The following PRKACA variants were observed in gnomAD, a reference collection of about 807,000 sequenced individuals.
PRKACA encodes protein kinase cAMP-activated catalytic subunit alpha.
PRKACA carries 9 observed loss-of-function variants against 45.8 expected under a neutral mutation model. The observed-to-expected ratio is 0.20, with a 90% confidence interval of 0.12 to 0.34. PRKACA has a LOEUF of 0.34. Among genes scored for constraint, PRKACA ranks in the 10% least tolerant of loss-of-function variants. The pLI is 1.00. For synonymous variants in PRKACA, 160 were observed against 178.6 expected (o/e 0.90, Z 0.83); for missense variants, 238 against 458.6 (o/e 0.52, Z 4.39).
intron 1 of PRKACA, among the ~76,000 whole-genome samples, chr19:14,116,362 T>A (rs1412310048): frequency 2.0e-5 from 3 of 152,120 alleles, no homozygotes; most frequent in Non-Finnish European, 2.9e-5. Flanking sequence ...GAAACAGGTC[T>A]CTCTCTGGCT....
At position 14,105,286 on chromosome 19, in the gene PRKACA, C is replaced by T. The variant is rs972211901; in HGVS notation, c.237+1474G>A. Among the ~76,000 whole-genome samples, 15 of 151,990 alleles carry T rather than the reference C, an allele frequency of 9.9e-5. No homozygotes were observed. The South Asian group carries it at 2.5e-3, about 25-fold the overall frequency. On this transcript the variant is annotated intron_variant, in intron 3 of 9. Coordinates refer to ENST00000308677, the MANE Select transcript of PRKACA (RefSeq NM_002730.4). ...CAGCACTTTGGAAGGCTGAGGCGGG[C>T]GGATTACCTGAGGTCAGGAGTTCGA... is the stretch of plus-strand genomic sequence containing the variant.
chr19:14,094,352 C>T (rs1389978983), intron 8 of PRKACA, among the ~76,000 whole-genome samples: 5 of 152,026 alleles, frequency 3.3e-5, no homozygotes, highest in South Asian at 2.1e-4. Flanking sequence ...AGACACCTGG[C>T]TAATTTTTGT....
chr19:14,113,721 C>G (rs1197565155), intron 1 of PRKACA, among the ~76,000 whole-genome samples: 1 of 152,140 alleles, frequency 6.6e-6, no homozygotes, highest in Non-Finnish European at 1.5e-5. Flanking sequence ...CTGGCTGATT[C>G]CTCCAGTGGA....
intron 4 of PRKACA, chr19:14,101,115 G>A (rs941410261): frequency 3.6e-6 from 2 of 556,588 alleles, no homozygotes; most frequent in African/African-American, 3.8e-5. Context: ...TCAGGACCTG[G>A]TTAGCCTGCC....
At chr19:14,116,399 A>C (rs1967106388) in intron 1 of PRKACA, among the ~76,000 whole-genome samples, 1 of 152,210 alleles carries the variant, frequency 6.6e-6, no homozygotes, top group Admixed American at 6.5e-5. Context: ...CAGAATCACT[A>C]GACGTCAAAG....
intron 5 of PRKACA, among the ~76,000 whole-genome samples, chr19:14,098,985 C>T (rs1977356788): frequency 1.3e-5 from 2 of 152,036 alleles, no homozygotes; most frequent in Non-Finnish European, 1.5e-5. Context: ...CTATAGTTAT[C>T]TATCTAAAAT....
chr19:14,114,184 A>G lies in PRKACA; in HGVS notation c.46+3318T>C, dbSNP rs1227078621. ...TCAGTCCTGTTCTCAGGGCACCGGC[A>G]CTACGGTGGCTGGGAAGGCTCATGA... On this transcript the variant is annotated intron_variant, in intron 1 of 9. Coordinates refer to ENST00000308677, the MANE Select transcript of PRKACA (RefSeq NM_002730.4). 13 of 1,608,090 alleles carry G rather than the reference A, an allele frequency of 8.1e-6. No individual in the cohort carries two copies. In the Middle Eastern group the frequency reaches 6.6e-4, roughly 81 times the overall value.
chr19:14,102,626 C>G (rs1977477291), intron 4 of PRKACA, among the ~76,000 whole-genome samples, 190 bp downstream of exon 4: 1 of 152,172 alleles, frequency 6.6e-6, no homozygotes, highest in South Asian at 2.1e-4. Context: ...ACTGGCTGGA[C>G]CAGGAACTGA....
intron 5 of PRKACA, among the ~76,000 whole-genome samples, chr19:14,099,486 G>A (rs754882835): frequency 4.2e-4 from 64 of 151,414 alleles, no homozygotes; most frequent in Non-Finnish European, 6.5e-4. Flanking sequence ...GCATCCTAGG[G>A]ATGAAGGTGG....
Position 14,107,426 on chromosome 19 carries a change from GGA to G in PRKACA, c.47-19_47-18del, listed in dbSNP as rs1977646198. ...ATTCTTTCACTGAAAGGGAGAGAGG[GGA>G]GAGTTATACAGAGACGCCCGTCTCA... On this transcript the variant is annotated intron_variant, in intron 1 of 9. Coordinates refer to ENST00000308677, the MANE Select transcript of PRKACA (RefSeq NM_002730.4). The G allele has an allele frequency of 1.2e-6, 2 of 1,612,130 alleles. No homozygotes were observed. The highest frequency in any genetic ancestry group is 1.7e-6 in the Non-Finnish European group (2 of 1,178,306).
chr19:14,111,760 A>G (rs1257651461), intron 1 of PRKACA, among the ~76,000 whole-genome samples: 1 of 152,174 alleles, frequency 6.6e-6, no homozygotes, highest in African/African-American at 2.4e-5. Flanking sequence ...AACCTTTGTG[A>G]CAGAAAACAT....
rs1021329226 is a variant in PRKACA, at chr19:14,093,676, G to A, written c.882C>T (p.Asn294=). 1.1e-5 allele frequency: 18 copies of A among 1,614,158 alleles called. No homozygotes were observed. The highest frequency in any genetic ancestry group is 1.4e-5 in the Non-Finnish European group (16 of 1,180,040). ...AGTCAGTTGTGGCAAACCACTTGTGGTTCTTGATATCGTTGACCCCATTCT... is the reference window on the plus strand; with the variant it reads ...AGTCAGTTGTGGCAAACCACTTGTGATTCTTGATATCGTTGACCCCATTCT... ...NLKNGVNDIK[N]HKWFATTDWI... is the part of the protein sequence containing the mutation. The change falls in exon 9 of 10, where the codon AAC becomes AAT. Residue 294 remains asparagine (N), a synonymous_variant. Coordinates refer to ENST00000308677, the MANE Select transcript of PRKACA (RefSeq NM_002730.4).
intron 5 of PRKACA, chr19:14,098,212 A>G: frequency 4.0e-6 from 1 of 248,088 alleles, no homozygotes. Flanking sequence ...ACAAAAGAAC[A>G]TGAATGATTC....
intron 1 of PRKACA, among the ~76,000 whole-genome samples, chr19:14,116,705 C>T (rs1442505631): frequency 1.3e-5 from 2 of 152,006 alleles, no homozygotes. Flanking sequence ...GCAATGAATC[C>T]CAACAAGACC....
At chr19:14,099,590 T>A (rs1380621735) in intron 5 of PRKACA, among the ~76,000 whole-genome samples, 1 of 136,144 alleles carries the variant, frequency 7.3e-6, no homozygotes, top group East Asian at 2.1e-4. Context: ...CACACCTGAC[T>A]TTTTTTTTTT....
chr19:14,112,819 G>A (rs1599350743), intron 1 of PRKACA, among the ~76,000 whole-genome samples: 1 of 152,306 alleles, frequency 6.6e-6, no homozygotes, highest in Non-Finnish European at 1.5e-5. Context: ...AGAGGACAGC[G>A]CCTGATGTGC....
Position 14,092,376 on chromosome 19 carries a change from G to A in PRKACA, c.*736C>T, listed in dbSNP as rs1196453378. 2.7e-6 allele frequency: 1 copy of A among 364,284 alleles called. No individual in the cohort carries two copies. The highest frequency in any genetic ancestry group is 4.0e-5 in the East Asian group (1 of 25,276). 22.6% of individuals were successfully genotyped at this position (364,284 alleles called of 1,614,324 possible). ...AAGGGGCCTAGACCCTCGCAGGATT[G>A]GCAGAGAGGATTCCCCGGGGAGGGG... is the stretch of plus-strand genomic sequence containing the variant. On this transcript the variant is annotated 3_prime_UTR_variant, in exon 10 of 10. Transcript: ENST00000308677.
At chr19:14,101,553 A>G (rs1977444183) in intron 4 of PRKACA, among the ~76,000 whole-genome samples, 1 of 151,996 alleles carries the variant, frequency 6.6e-6, no homozygotes, top group African/African-American at 2.4e-5. Flanking sequence ...ACAGGGTAAG[A>G]CCTTATCTTA....
At chr19:14,109,676 G>A (rs1014055619) in intron 1 of PRKACA, among the ~76,000 whole-genome samples, 13 of 148,794 alleles carry the variant, frequency 8.7e-5, no homozygotes, top group African/African-American at 2.5e-4. Context: ...GGTGGCTCAC[G>A]TCTATAATCC....
Sources: allele counts gnomAD v4.1 joint callset (sites outside exome capture counted in the v4.1 genomes callset), GRCh38; gene constraint gnomAD v4.1.1; transcripts MANE v1.5; gene names NCBI Gene and HGNC (gene_info 2026-07-23, HGNC 2026-07-21).